Variants in CASR observed in about 807,000 individuals in gnomAD.
CASR encodes extracellular calcium-sensing receptor.
Under a neutral mutation model 69.1 loss-of-function variants are expected in CASR, and 23 were observed. The observed-to-expected ratio is 0.33, with a 90% CI of 0.24 to 0.47. CASR has a LOEUF of 0.47. Ranked by LOEUF, CASR falls within the 20% of genes least tolerant of loss-of-function variation. CASR has a pLI of 1.00. For missense variants in CASR, 924 were observed against 1,356.1 expected (o/e 0.68, Z 5.00); for synonymous variants, 541 against 544.7 (o/e 0.99, Z 0.10).
intron 1 of CASR, among the ~76,000 whole-genome samples, chr3:122,211,875 A>C (rs1448865746): frequency 6.6e-6 from 1 of 152,220 alleles, no homozygotes; most frequent in Non-Finnish European, 1.5e-5. Flanking sequence ...ATCTCATGCC[A>C]GTCGGAATGG....
intron 1 of CASR, among the ~76,000 whole-genome samples, chr3:122,240,386 A>T (rs912364045): frequency 1.3e-5 from 2 of 152,252 alleles, no homozygotes; most frequent in African/African-American, 4.8e-5. Flanking sequence ...AGGACTAGCT[A>T]TACTTATATC....
At chr3:122,222,193 T>C (rs1001592320) in intron 1 of CASR, among the ~76,000 whole-genome samples, 11 of 152,208 alleles carry the variant, frequency 7.2e-5, no homozygotes, top group African/African-American at 2.7e-4. Context: ...GGAGGGTCCA[T>C]TCCTAGCTGG....
intron 5 of CASR, among the ~76,000 whole-genome samples, chr3:122,279,379 T>G (rs2074860522): frequency 6.6e-6 from 1 of 152,212 alleles, no homozygotes; most frequent in African/African-American, 2.4e-5. Flanking sequence ...AATATAATCT[T>G]GATACCAAAA....
chr3:122,264,188 C>T (rs1432176348), intron 4 of CASR, among the ~76,000 whole-genome samples: 1 of 151,030 alleles, frequency 6.6e-6, no homozygotes, highest in Admixed American at 6.6e-5. Flanking sequence ...ACCAAATTGG[C>T]ATAAACAAAA....
intron 1 of CASR, among the ~76,000 whole-genome samples, chr3:122,252,454 GAA>G (rs377212258): frequency 2.2e-5 from 1 of 45,124 alleles, no homozygotes; most frequent in Non-Finnish European, 4.3e-5. Flanking sequence ...AGAAAAAAAA[GAA>G]AAGAAAGAAA....
intron 1 of CASR, among the ~76,000 whole-genome samples, chr3:122,233,652 T>C (rs890839217): frequency 6.6e-6 from 1 of 152,218 alleles, no homozygotes; most frequent in Non-Finnish European, 1.5e-5. Flanking sequence ...CCTCCTTTTA[T>C]GTCTATGCCC....
chr3:122,209,448 A>G (rs1576823846), intron 1 of CASR, among the ~76,000 whole-genome samples: 1 of 152,242 alleles, frequency 6.6e-6, no homozygotes, highest in Non-Finnish European at 1.5e-5. Context: ...GTGGCTGGGG[A>G]AGCCTCACAA....
At position 122,284,760 on chromosome 3, in the gene CASR, C is replaced by T. The variant is rs1396995630; in HGVS notation, c.2806C>T (p.Leu936=). 6.2e-7 allele frequency: 1 copy of T among 1,614,046 alleles called. No homozygotes were observed. The highest frequency in any genetic ancestry group is 8.5e-7 in the Non-Finnish European group (1 of 1,180,026). The part of the protein sequence containing the change: ...QPERQKQQQP[L]ALTQQEQQQQ... ...CGAGAGGCAGAAGCAGCAGCAGCCG[C>T]TGGCCCTAACCCAGCAAGAGCAGCA... is the stretch of plus-strand genomic sequence containing the variant. Residue 936 remains leucine (L), a synonymous_variant, in exon 7 of 7, where the codon CTG becomes TTG. Coordinates refer to ENST00000639785, the MANE Select transcript of CASR (RefSeq NM_000388.4).
chr3:122,277,706 C>T (rs2074839178), intron 5 of CASR, among the ~76,000 whole-genome samples: 1 of 152,116 alleles, frequency 6.6e-6, no homozygotes, highest in Non-Finnish European at 1.5e-5. Context: ...ACCTGTTTAC[C>T]CCTGTTGGAT....
At chr3:122,281,096 T>C (rs1236705342) in intron 5 of CASR, among the ~76,000 whole-genome samples, 1 of 152,220 alleles carries the variant, frequency 6.6e-6, no homozygotes. Context: ...AATGATAAAA[T>C]TGAACAAAAC....
chr3:122,197,650 G>A (rs2073902847), intron 1 of CASR, among the ~76,000 whole-genome samples: 1 of 152,116 alleles, frequency 6.6e-6, no homozygotes, highest in Non-Finnish European at 1.5e-5. Context: ...TTGATCCAGT[G>A]TCAGGACTAG....
chr3:122,242,887 T>C (rs9867090), intron 1 of CASR, among the ~76,000 whole-genome samples: 3,290 of 152,150 alleles, frequency 0.022, 112 homozygotes, highest in African/African-American at 0.074. Flanking sequence ...ACAGTGAACT[T>C]GTTTTTGACA....
chr3:122,218,836 G>C (rs887844170), intron 1 of CASR, among the ~76,000 whole-genome samples: 11 of 152,176 alleles, frequency 7.2e-5, no homozygotes, highest in African/African-American at 2.4e-4. Context: ...ACATATTACA[G>C]TGTGGGTGAT....
At chr3:122,191,711 G>T (rs2073841666) in intron 1 of CASR, among the ~76,000 whole-genome samples, 1 of 152,212 alleles carries the variant, frequency 6.6e-6, no homozygotes, top group Non-Finnish European at 1.5e-5. Flanking sequence ...TCAAATTTGT[G>T]AATATAAAGA....
At chr3:122,259,628 A>ATTTTTTTTTTTTTTT (rs11414721) in intron 3 of CASR, among the ~76,000 whole-genome samples, 2 of 122,236 alleles carry the variant, frequency 1.6e-5, no homozygotes, top group East Asian at 2.4e-4. Context: ...CACATTGGAA[A>ATTTTTTTTTTTTTTT]TTTTTTTTTT....
chr3:122,281,946 T>C, intron 5 of CASR, 167 bp from the exon 6 acceptor site: 1 of 821,236 alleles, frequency 1.2e-6, no homozygotes, highest in South Asian at 1.6e-5. Context: ...TTCACAGATA[T>C]CAGAACCAAG....
Position 122,192,925 on chromosome 3 carries a change from T to G in CASR, c.-243+9113T>G, listed in dbSNP as rs551503300. The stretch of plus-strand genomic sequence containing the variant: ...TGGAACTCCTGTCCACCAGCAAAAA[T>G]GAACACACATAGCTTATTTAGCTTT... On this transcript the variant is annotated intron_variant, in intron 1 of 6. Coordinates refer to ENST00000639785, the MANE Select transcript of CASR (RefSeq NM_000388.4). 2.0e-5 allele frequency among the ~76,000 whole-genome samples: 3 copies of G among 152,242 alleles called. No individual in the cohort carries two copies. In the South Asian group the frequency reaches 6.2e-4, roughly 32 times the overall value.
intron 1 of CASR, among the ~76,000 whole-genome samples, chr3:122,210,156 C>CA (rs1297725633): frequency 2.6e-5 from 4 of 152,184 alleles, no homozygotes; most frequent in African/African-American, 9.7e-5. Flanking sequence ...AAGTTGGAAA[C>CA]ATTCCCCTTG....
At chr3:122,237,202 C>T (rs145788563) in intron 1 of CASR, among the ~76,000 whole-genome samples, 17 of 151,436 alleles carry the variant, frequency 1.1e-4, no homozygotes, top group East Asian at 1.9e-4. Context: ...CTCCACCACC[C>T]GGGTTCAAGC....
Sources: gnomAD v4.1 joint callset for allele counts (sites outside exome capture counted in the v4.1 genomes callset) on GRCh38, gnomAD v4.1.1 for gene constraint, MANE v1.5 for transcripts, NCBI Gene and HGNC (gene_info 2026-07-23, HGNC 2026-07-21) for gene names.